Variants in MKLN1 observed in about 807,000 individuals in gnomAD.
MKLN1 encodes the protein muskelin 1, also known as muskelin.
A neutral mutation model predicts 99.0 loss-of-function variants in MKLN1; 18 were observed. The observed-to-expected ratio is 0.18, with a 90% CI of 0.13 to 0.27. The LOEUF (loss-of-function observed/expected upper bound fraction) is 0.27. MKLN1 is among the 10% of genes least tolerant of loss of function. The pLI is 1.00. For synonymous variants in MKLN1, 288 were observed against 293.2 expected (o/e 0.98, Z 0.18); for missense variants, 621 against 875.9 (o/e 0.71, Z 3.67).
At chr7:131,331,587 C>A (rs1799076449) in intron 1 of MKLN1, among the ~76,000 whole-genome samples, 1 of 151,906 alleles carries the variant, frequency 6.6e-6, no homozygotes, top group Admixed American at 6.6e-5. Flanking sequence ...GAGTTTGAGA[C>A]CAGCATGGGC....
At chr7:131,411,604 T>G (rs1026828718) in intron 7 of MKLN1, among the ~76,000 whole-genome samples, 5 of 151,512 alleles carry the variant, frequency 3.3e-5, no homozygotes, top group Non-Finnish European at 7.4e-5. Context: ...GAGACCTGTC[T>G]CTACAAAAAA....
In MKLN1 at chr7:131,445,826, A is replaced by G; in HGVS notation, c.1448A>G (p.Asn483Ser). 3.1e-6 allele frequency: 5 copies of G among 1,610,064 alleles called. No individual in the cohort carries two copies. The highest frequency in any genetic ancestry group is 4.2e-6 in the Non-Finnish European group (5 of 1,177,586). Residue 483 changes from asparagine to serine, a missense_variant, in exon 12 of 18, where the codon AAT becomes AGT. Transcript: ENST00000352689. ...FGGQRSKTYLNDFFSYDVDSD... is the reference protein window; with the variant it reads ...FGGQRSKTYLSDFFSYDVDSD... Reference sequence around the variant, plus strand: ...GGCCAGCGATCAAAGACCTATTTGAATGATTTCTTTAGTTATGATGTGGAC... The same window carrying G: ...GGCCAGCGATCAAAGACCTATTTGAGTGATTTCTTTAGTTATGATGTGGAC...
intron 12 of MKLN1, among the ~76,000 whole-genome samples, chr7:131,460,727 A>G (rs1796491407): frequency 6.6e-6 from 1 of 152,222 alleles, no homozygotes; most frequent in East Asian, 1.9e-4. Flanking sequence ...CAACATGTAA[A>G]TGAATGGACA....
rs1388601429 is a variant in MKLN1 at position 131,491,412 on chromosome 7, G to A, written c.*3684G>A. The A allele has an allele frequency of 2.0e-5, 3 of 152,092 alleles. No individual in the cohort carries two copies. The highest frequency in any genetic ancestry group is 6.6e-5 in the Admixed American group (1 of 15,256). The allele number at this position is 152,092 out of a possible 1,614,324, so 9.4% of individuals were successfully genotyped here. ...GGAGTATCATACAGTGTCTACATAT[G>A]ATAGTACTTACAGATTAGGTCTTTG... On this transcript the variant is annotated 3_prime_UTR_variant, in exon 18 of 18. Coordinates refer to ENST00000352689, the MANE Select transcript of MKLN1 (RefSeq NM_013255.5).
chr7:131,277,652 G>A lies in MKLN1; in HGVS notation c.-179+74678G>A, dbSNP rs188169296. Among the ~76,000 whole-genome samples the A allele has an allele frequency of 1.1e-3, 167 of 152,284 alleles. No homozygotes were observed. The Middle Eastern group carries it at 0.02, about 19-fold the overall frequency. On this transcript the variant is annotated intron_variant, in intron 3 of 7. Transcript: ENST00000416992. ...GCTGGTCTCAAACTCTTGACCTCAA[G>A]CGATCCACCCACCTCAGCCTCCCAA... is the stretch of plus-strand genomic sequence containing the variant.
chr7:131,472,594 A>ATGTG (rs5887506), intron 16 of MKLN1, among the ~76,000 whole-genome samples: 4 of 150,100 alleles, frequency 2.7e-5, no homozygotes, highest in African/African-American at 9.8e-5. Flanking sequence ...TGAAGTGTGT[A>ATGTG]TGTGTGTGTG....
intron 1 of MKLN1, among the ~76,000 whole-genome samples, chr7:131,340,402 C>G (rs990297135): frequency 1.7e-4 from 26 of 151,710 alleles, no homozygotes; most frequent in African/African-American, 3.4e-4. Context: ...CTCAGCCCCC[C>G]CAAGTAGCTG....
At chr7:131,315,055 T>C (rs1043911755) in intron 3 of MKLN1, among the ~76,000 whole-genome samples, 3 of 152,092 alleles carry the variant, frequency 2.0e-5, no homozygotes, top group African/African-American at 7.2e-5. Flanking sequence ...TCAGCCACCA[T>C]GCCTGCGTGA....
chr7:131,275,556 TA>T (rs1797953178), intron 3 of MKLN1, among the ~76,000 whole-genome samples: 5 of 26,016 alleles, frequency 1.9e-4, no homozygotes, highest in East Asian at 8.4e-4. Context: ...TATATATATA[TA>T]TATATATATA....
chr7:131,324,715 G>C (rs1173318008), upstream of MKLN1, among the ~76,000 whole-genome samples: 4 of 152,188 alleles, frequency 2.6e-5, no homozygotes, highest in Non-Finnish European at 5.9e-5. Flanking sequence ...TTTAGCTTCT[G>C]TGGCAATAGT....
chr7:131,442,777 G>A (rs1043470886), intron 10 of MKLN1, among the ~76,000 whole-genome samples: 1 of 152,130 alleles, frequency 6.6e-6, no homozygotes, highest in Admixed American at 6.5e-5. Flanking sequence ...TTATTGTCTC[G>A]TGACAAATGG....
intron 6 of MKLN1, among the ~76,000 whole-genome samples, chr7:131,409,426 G>A (rs1251690995): frequency 3.3e-5 from 5 of 152,124 alleles, no homozygotes; most frequent in Admixed American, 3.3e-4. Flanking sequence ...CCTTTACCCT[G>A]CTTTAGTATT....
At chr7:131,389,018 C>A in intron 4 of MKLN1, 46 bp downstream of exon 4, 1 of 1,337,352 alleles carries the variant, frequency 7.5e-7, no homozygotes, top group Non-Finnish European at 1.1e-6. Flanking sequence ...TTGATATCAT[C>A]AGTCAGCAAA....
chr7:131,199,496 A>G (rs946929490), intron 2 of MKLN1, among the ~76,000 whole-genome samples: 10 of 152,272 alleles, frequency 6.6e-5, no homozygotes, highest in African/African-American at 2.2e-4. Flanking sequence ...TCTTCAACCC[A>G]AACTCTTTAT....
chr7:131,251,177 G>A (rs1421527406), intron 3 of MKLN1, among the ~76,000 whole-genome samples: 2 of 151,088 alleles, frequency 1.3e-5, no homozygotes, highest in South Asian at 2.1e-4. Context: ...AAGTATATTC[G>A]CAATCTTGTG....
At chr7:131,470,027 C>G (rs2116638524) in intron 15 of MKLN1, among the ~76,000 whole-genome samples, 1 of 152,216 alleles carries the variant, frequency 6.6e-6, no homozygotes, top group East Asian at 1.9e-4. Flanking sequence ...AGGCATGTGC[C>G]ACCGCACCTG....
At position 131,342,252 on chromosome 7, in the gene MKLN1, G is replaced by A. The variant is rs112348977; in HGVS notation, c.98+14255G>A. ...GAAAGTGATCATTTGGGATTAGATC[G>A]CAAATTGCTTGACTTCAAATGTATT... On this transcript the variant is annotated intron_variant, in intron 1 of 17. Coordinates refer to ENST00000352689, the MANE Select transcript of MKLN1 (RefSeq NM_013255.5). Among the ~76,000 whole-genome samples the A allele has an allele frequency of 3.1e-3, 475 of 152,012 alleles. 1 individual carries two copies. The highest frequency in any genetic ancestry group is 0.011 in the African/African-American group (451 of 41,450).
intron 3 of MKLN1, among the ~76,000 whole-genome samples, chr7:131,304,722 T>C (rs1236663073): frequency 3.3e-5 from 5 of 152,184 alleles, no homozygotes. Flanking sequence ...CCATGAAATA[T>C]AGGTCTTGTT....
intron 8 of MKLN1, among the ~76,000 whole-genome samples, chr7:131,418,439 A>T (rs888499531): frequency 1.3e-5 from 2 of 152,012 alleles, no homozygotes; most frequent in African/African-American, 4.8e-5. Flanking sequence ...CCTGGGCCAC[A>T]TTGGAAGAAG....
Sources: allele counts gnomAD v4.1 joint callset (sites outside exome capture counted in the v4.1 genomes callset), GRCh38; gene constraint gnomAD v4.1.1; transcripts MANE v1.5; gene names NCBI Gene and HGNC (gene_info 2026-07-23, HGNC 2026-07-21).